Variants in ARID1A observed in about 807,000 individuals in gnomAD.
ARID1A encodes the protein AT-rich interaction domain 1A.
ARID1A carries 20 observed loss-of-function variants against 212.6 expected under a neutral mutation model. The ratio of observed to expected loss-of-function variants is 0.09; its 90% CI spans 0.07 to 0.14. The LOEUF is 0.14. ARID1A is among the 10% of genes least tolerant of loss of function. ARID1A has a pLI of 1.00. For synonymous variants in ARID1A, 1,376 were observed against 1,222.1 expected (o/e 1.13, Z -2.63); for missense variants, 2,587 against 3,059.0 (o/e 0.85, Z 3.64).
At chr1:26,712,218 C>T (rs1345518774) in intron 1 of ARID1A, among the ~76,000 whole-genome samples, 1 of 152,114 alleles carries the variant, frequency 6.6e-6, no homozygotes, top group Non-Finnish European at 1.5e-5. Flanking sequence ...CCATGATGTC[C>T]CTTTTGCCTG....
chr1:26,729,334 G>A (rs916759816), intron 1 of ARID1A: 9 of 376,530 alleles, frequency 2.4e-5, no homozygotes, highest in Non-Finnish European at 4.6e-5. Flanking sequence ...TAGCAGCACC[G>A]TCCTCTACCA....
chr1:26,700,989 G>C (rs1456442010), intron 1 of ARID1A, among the ~76,000 whole-genome samples: 1 of 152,166 alleles, frequency 6.6e-6, no homozygotes, highest in Non-Finnish European at 1.5e-5. Context: ...GACTTTTTAG[G>C]TTCCTTTCTT....
chr1:26,705,937 T>A (rs1258487380), intron 1 of ARID1A, among the ~76,000 whole-genome samples: 2 of 152,216 alleles, frequency 1.3e-5, no homozygotes, highest in African/African-American at 4.8e-5. Context: ...TCCAACATGC[T>A]GCAGAGTAGG....
chr1:26,752,658 C>G (rs2124023604), intron 4 of ARID1A, among the ~76,000 whole-genome samples: 1 of 152,350 alleles, frequency 6.6e-6, no homozygotes, highest in East Asian at 1.9e-4. Context: ...GTTTCCCAGT[C>G]TCTTCTGTGT....
At chr1:26,717,825 GTGA>G (rs752225173) in intron 1 of ARID1A, among the ~76,000 whole-genome samples, 30 of 152,278 alleles carry the variant, frequency 2.0e-4, no homozygotes, top group African/African-American at 7.2e-4. Flanking sequence ...CCACACTGAA[GTGA>G]TATTTGACAT....
intron 1 of ARID1A, among the ~76,000 whole-genome samples, chr1:26,719,672 G>A (rs2080541087): frequency 6.6e-6 from 1 of 151,774 alleles, no homozygotes. Context: ...CGGGCACAGT[G>A]GCTCACGCCT....
At chr1:26,775,783 T>C in intron 19 of ARID1A, 76 bp downstream of exon 19, 2 of 1,600,972 alleles carry the variant, frequency 1.2e-6, no homozygotes, top group African/African-American at 1.3e-5. Flanking sequence ...GTCTCATCTT[T>C]AGCCACCTTG....
chr1:26,767,703 C>CA, intron 10 of ARID1A, 87 bp from the exon 11 acceptor site: 1 of 1,316,612 alleles, frequency 7.6e-7, no homozygotes, highest in Non-Finnish European at 1.0e-6. Flanking sequence ...GAAGCTTTAA[C>CA]ACTGCTCCAG....
Position 26,696,820 on chromosome 1 carries a change from C to T in ARID1A, c.417C>T (p.Ala139=). ...GGGTGGGGGCGCCTCCTCACTCAGC[C>T]GCGGCCGCCTTGCCGCCCCCAGCCT... ...SDGVGAPPHS[A]AAALPPPAYG... is the part of the protein sequence containing the mutation. Residue 139 remains alanine (A), a synonymous_variant, in exon 1 of 20, where the codon GCC becomes GCT. Transcript: ENST00000324856. The T allele has an allele frequency of 2.2e-6, 3 of 1,341,648 alleles. No individual in the cohort carries two copies. Among genetic ancestry groups the T allele is most frequent in the Non-Finnish European group, 2.9e-6 (3 of 1,049,948 alleles). The allele number at this position is 1,341,648 out of a possible 1,614,324, so 83.1% of individuals were successfully genotyped here.
At chr1:26,756,668 G>T (rs1279615612) in intron 4 of ARID1A, among the ~76,000 whole-genome samples, 2 of 151,144 alleles carry the variant, frequency 1.3e-5, no homozygotes, top group Non-Finnish European at 2.9e-5. Context: ...AGACAGCCAT[G>T]GGGCACTTTG....
At chr1:26,750,041 ACTAATAGC>A (rs1471616667) in intron 4 of ARID1A, among the ~76,000 whole-genome samples, 2 of 152,226 alleles carry the variant, frequency 1.3e-5, no homozygotes, top group African/African-American at 4.8e-5. Flanking sequence ...CTTTCTGGTC[ACTAATAGC>A]CTGATCTTGC....
chr1:26,763,394 T>G, intron 8 of ARID1A, 109 bp downstream of exon 8: 1 of 1,286,208 alleles, frequency 7.8e-7, no homozygotes, highest in Non-Finnish European at 1.1e-6. Context: ...AATGGGTGTG[T>G]GTGTATGAAG....
chr1:26,769,098 G>T (rs2081063016), intron 11 of ARID1A: 1 of 152,190 alleles, frequency 6.6e-6, no homozygotes, highest in Admixed American at 6.5e-5. Context: ...GCCACGGAAG[G>T]CTTTTGAGGT....
chr1:26,728,462 T>C (rs1409130811), intron 1 of ARID1A, among the ~76,000 whole-genome samples: 1 of 152,214 alleles, frequency 6.6e-6, no homozygotes, highest in Admixed American at 6.5e-5. Flanking sequence ...AATTATAGAA[T>C]AGCTTATTAA....
Position 26,696,134 on chromosome 1 carries a change from G to C in ARID1A, c.-270G>C. ...TTGGGGGGAATGAGCCGGGAGAGCC[G>C]GGTCCCGAGCCTACAGAGCCGGGAG... On this transcript the variant is annotated 5_prime_UTR_variant, in exon 1 of 20. Transcript: ENST00000324856. 2.1e-6 allele frequency: 1 copy of C among 480,638 alleles called. No homozygotes were observed. Among genetic ancestry groups the C allele is most frequent in the Non-Finnish European group, 3.0e-6 (1 of 337,814 alleles). The allele number at this position is 480,638 out of a possible 1,614,324, so 29.8% of individuals were successfully genotyped here.
intron 4 of ARID1A, among the ~76,000 whole-genome samples, chr1:26,759,422 G>C (rs1570601039): frequency 6.6e-6 from 1 of 152,144 alleles, no homozygotes; most frequent in East Asian, 1.9e-4. Flanking sequence ...TGCCCAGGCT[G>C]GTCTCGAACT....
intron 1 of ARID1A, among the ~76,000 whole-genome samples, chr1:26,727,125 T>C (rs922846730): frequency 3.9e-5 from 6 of 152,262 alleles, no homozygotes. Flanking sequence ...CTACCATTTA[T>C]TGGACATTTA....
intron 1 of ARID1A, among the ~76,000 whole-genome samples, chr1:26,718,760 T>C (rs914514626): frequency 3.3e-5 from 5 of 152,316 alleles, no homozygotes; most frequent in Admixed American, 3.3e-4. Context: ...GTAGGCCTAC[T>C]AACTACATTT....
At chr1:26,757,655 C>T (rs998212400) in intron 4 of ARID1A, among the ~76,000 whole-genome samples, 14 of 151,654 alleles carry the variant, frequency 9.2e-5, no homozygotes, top group Non-Finnish European at 1.8e-4. Flanking sequence ...TGTATAAAGA[C>T]AAAAATAATC....
Sources: allele counts gnomAD v4.1 joint callset (sites outside exome capture counted in the v4.1 genomes callset), GRCh38; gene constraint gnomAD v4.1.1; transcripts MANE v1.5; gene names NCBI Gene and HGNC (gene_info 2026-07-23, HGNC 2026-07-21).